Variants in PTK7 observed in about 807,000 individuals in gnomAD.
The protein encoded by PTK7 is protein tyrosine kinase 7 (inactive), also known as inactive tyrosine-protein kinase 7.
In PTK7, 39 loss-of-function variants were observed where a neutral mutation model predicts 116.6. The ratio of observed to expected loss-of-function variants is 0.33; its 90% confidence interval spans 0.26 to 0.44. The LOEUF (loss-of-function observed/expected upper bound fraction) is 0.44. Among genes scored for constraint, PTK7 ranks in the 20% least tolerant of loss-of-function variants. PTK7 has a pLI of 1.00. For missense variants in PTK7, 1,169 were observed against 1,425.6 expected (o/e 0.82, Z 2.90); for synonymous variants, 546 against 563.6 (o/e 0.97, Z 0.44).
At chr6:43,118,520 A>G (rs945550991) in intron 1 of PTK7, among the ~76,000 whole-genome samples, 2 of 151,366 alleles carry the variant, frequency 1.3e-5, no homozygotes, top group Non-Finnish European at 2.9e-5. Context: ...TGGATGACAG[A>G]GTGAGACTCT....
chr6:43,155,190 AT>A (rs1253686683), intron 17 of PTK7, among the ~76,000 whole-genome samples: 46 of 147,002 alleles, frequency 3.1e-4, no homozygotes, highest in African/African-American at 3.0e-4. Flanking sequence ...AGATACTCAA[AT>A]TTTTTTTTTT....
intron 1 of PTK7, among the ~76,000 whole-genome samples, chr6:43,122,099 A>G (rs1768998883): frequency 6.6e-6 from 1 of 152,188 alleles, no homozygotes; most frequent in Non-Finnish European, 1.5e-5. Flanking sequence ...CCGTGCTTGC[A>G]TCACTGCACT....
rs1769507196 is a variant in PTK7, at chr6:43,129,286, C to T, written c.367+22C>T. 1 of 1,613,136 alleles carries T rather than the reference C, an allele frequency of 6.2e-7. No individual in the cohort carries two copies. Among genetic ancestry groups the T allele is most frequent in the African/African-American group, 1.3e-5 (1 of 74,934 alleles). Reference sequence around the variant, plus strand: ...AAATGTGAGAGCCAGGGGGGCTGTGCCCAGTCCCCCTGTCAGACCCTCAAT... The same window carrying T: ...AAATGTGAGAGCCAGGGGGGCTGTGTCCAGTCCCCCTGTCAGACCCTCAAT... On this transcript the variant is annotated intron_variant, in intron 2 of 19. Coordinates refer to ENST00000230419, the MANE Select transcript of PTK7 (RefSeq NM_002821.5). The surrounding 1 kb of genome is among the most constrained non-coding windows in gnomAD (Gnocchi z 4.5).
chr6:43,108,398 C>CTT (rs1172537819), intron 1 of PTK7, among the ~76,000 whole-genome samples: 3 of 137,350 alleles, frequency 2.2e-5, no homozygotes, highest in African/African-American at 2.7e-5. Context: ...CCCGGCCAAC[C>CTT]TTTTTTTTTT....
In PTK7 at chr6:43,144,553, C is replaced by G; in HGVS notation, c.2354C>G (p.Thr785Arg). The stretch of plus-strand genomic sequence containing the variant: ...GCGGCCACCAACAAACGCCACAGCA[C>G]AAGTGATAAGATGCACTTCCCACGG... ...GPAATNKRHSTSDKMHFPRSS... is the reference protein window; with the variant it reads ...GPAATNKRHSRSDKMHFPRSS... Residue 785 changes from threonine (T) to arginine (R), a missense_variant, in exon 15 of 20, where the codon ACA (threonine) becomes AGA (arginine). Coordinates refer to ENST00000230419, the MANE Select transcript of PTK7 (RefSeq NM_002821.5). 6.2e-7 allele frequency: 1 copy of G among 1,614,188 alleles called. No individual in the cohort carries two copies. The highest frequency in any genetic ancestry group is 1.1e-5 in the South Asian group (1 of 91,078).
intron 17 of PTK7, among the ~76,000 whole-genome samples, chr6:43,157,378 T>C (rs1582231926): frequency 2.5e-5 from 2 of 79,812 alleles, no homozygotes; most frequent in Non-Finnish European, 5.1e-5. Flanking sequence ...TTTTTTTTCT[T>C]TTTTTTTTTT....
chr6:43,136,822 C>G (rs1469150463), intron 7 of PTK7, among the ~76,000 whole-genome samples: 1 of 151,954 alleles, frequency 6.6e-6, no homozygotes, highest in East Asian at 1.9e-4. Flanking sequence ...ACCACATGGC[C>G]AGACCCCGTC....
intron 1 of PTK7, among the ~76,000 whole-genome samples, chr6:43,105,726 G>T (rs1301340398): frequency 6.6e-6 from 1 of 152,170 alleles, no homozygotes; most frequent in East Asian, 1.9e-4. Context: ...GCTGAGGTTG[G>T]AGTGATGTGG....
At chr6:43,150,787 C>CTTTTTTTTTTTTTTTTTTTTTT (rs1176963526) in intron 17 of PTK7, among the ~76,000 whole-genome samples, 1 of 60,746 alleles carries the variant, frequency 1.6e-5, no homozygotes, top group Non-Finnish European at 3.0e-5. Flanking sequence ...GTAGACTCAG[C>CTTTTTTTTTTTTTTTTTTTTTT]TTTTTTTTTT....
chr6:43,090,319 G>A (rs1477047642), intron 1 of PTK7, among the ~76,000 whole-genome samples: 1 of 152,228 alleles, frequency 6.6e-6, no homozygotes, highest in Non-Finnish European at 1.5e-5. Context: ...GCCTCTTGCA[G>A]CTTTTGAAGC....
Position 43,076,732 on chromosome 6 carries a change from G to C in PTK7, c.79+165G>C. 7.3e-7 allele frequency: 1 copy of C among 1,376,456 alleles called. No individual in the cohort carries two copies. Among genetic ancestry groups the C allele is most frequent in the Non-Finnish European group, 9.5e-7 (1 of 1,055,042 alleles). 85.3% of individuals were successfully genotyped at this position (1,376,456 alleles called of 1,614,324 possible). A position where few individuals can be genotyped will look rare whatever the true frequency, so the allele number is the denominator to read the frequency against. Reference sequence around the variant, plus strand: ...CGGCGGAAGGGCGCAAGGAGCCCGGGTGTCGGGAGGCTGGCGAAGCCTCCA... The same window carrying C: ...CGGCGGAAGGGCGCAAGGAGCCCGGCTGTCGGGAGGCTGGCGAAGCCTCCA... On this transcript the variant is annotated intron_variant, in intron 1 of 19. Coordinates refer to ENST00000230419, the MANE Select transcript of PTK7 (RefSeq NM_002821.5). This position sits in a 1 kb window ranked among gnomAD's most constrained non-coding sequence, Gnocchi z 5.7.
intron 1 of PTK7, among the ~76,000 whole-genome samples, chr6:43,081,624 C>T (rs1325374601): frequency 2.0e-5 from 3 of 152,074 alleles, no homozygotes; most frequent in Non-Finnish European, 4.4e-5. Flanking sequence ...AGGCTGGTCT[C>T]GAACTCCTGA....
intron 1 of PTK7, among the ~76,000 whole-genome samples, chr6:43,093,292 C>T (rs1045110410): frequency 1.4e-5 from 2 of 147,640 alleles, no homozygotes; most frequent in African/African-American, 2.5e-5. Flanking sequence ...CAGGTTCAAG[C>T]GATTCTCCTG....
chr6:43,159,952 A>G lies in PTK7; in HGVS notation c.3038A>G (p.Asp1013Gly). ...ATGCCCCATGGTGGGCAGGCAGATG[A>G]TGAAGTACTGGCAGGTAGGCAGCCT... ...GEMPHGGQAD[D>G]EVLADLQAGK... The change falls in exon 19 of 20, where the codon GAT becomes GGT. Residue 1013 changes from aspartate to glycine, a missense_variant. Transcript: ENST00000230419. 6.2e-7 allele frequency: 1 copy of G among 1,613,868 alleles called. No individual in the cohort carries two copies.
chr6:43,094,764 T>C (rs893112088), intron 1 of PTK7, among the ~76,000 whole-genome samples: 5 of 151,948 alleles, frequency 3.3e-5, no homozygotes, highest in Non-Finnish European at 4.4e-5. Context: ...AGGCATGAGC[T>C]ACTGCGCCCG....
At chr6:43,081,538 G>T (rs898658420) in intron 1 of PTK7, among the ~76,000 whole-genome samples, 1 of 152,072 alleles carries the variant, frequency 6.6e-6, no homozygotes, top group African/African-American at 2.4e-5. Context: ...CTGAGTACCT[G>T]GGTTTACAGG....
chr6:43,077,301 G>C (rs80282993), intron 1 of PTK7, among the ~76,000 whole-genome samples: 1 of 152,248 alleles, frequency 6.6e-6, no homozygotes, highest in African/African-American at 2.4e-5. Context: ...GGCATGGCCT[G>C]GCTGCAAAGG....
chr6:43,134,730 AGATC>A (rs1031034448), intron 7 of PTK7, among the ~76,000 whole-genome samples: 2 of 151,570 alleles, frequency 1.3e-5, no homozygotes, highest in Non-Finnish European at 2.9e-5. Context: ...CAGTGAGTCG[AGATC>A]GTGCCATTGC....
At chr6:43,142,501 C>A in intron 13 of PTK7, 2 of 819,148 alleles carry the variant, frequency 2.4e-6, no homozygotes, top group Non-Finnish European at 2.0e-6. Context: ...ATCCAACGGT[C>A]GGTGTGTGTG....
Sources: allele counts gnomAD v4.1 joint callset (sites outside exome capture counted in the v4.1 genomes callset), GRCh38; gene constraint gnomAD v4.1.1; non-coding constraint Gnocchi (gnomAD v3.1); transcripts MANE v1.5; gene names NCBI Gene and HGNC (gene_info 2026-07-23, HGNC 2026-07-21).